PGPEP1L: variants seen among roughly 807,000 people sequenced by gnomAD.
PGPEP1L encodes the protein pyroglutamyl-peptidase I like, also known as pyroglutamyl-peptidase 1-like protein.
A neutral mutation model predicts 6.0 loss-of-function variants in PGPEP1L; 7 were observed. The observed-to-expected ratio is 1.17, with a 90% confidence interval of 0.66 to 2.19. The LOEUF is 2.19. Ranked by LOEUF, PGPEP1L falls within the 30% of genes most tolerant of loss-of-function variation. The pLI, the probability that PGPEP1L is intolerant of heterozygous loss-of-function variation, is 0.00. For missense variants in PGPEP1L, 209 were observed against 192.5 expected, an observed-to-expected ratio of 1.09 and a Z score of -0.51; for synonymous variants, 103 against 83.9, an observed-to-expected ratio of 1.23 and a Z score of -1.24.
At chr15:99,003,357 T>G (rs1418246092) in intron 2 of PGPEP1L, among the ~76,000 whole-genome samples, 1 of 151,436 alleles carries the variant, frequency 6.6e-6, no homozygotes, top group Admixed American at 6.6e-5. Context: ...ATTAGAAAAA[T>G]CAACTCTGCA....
intron 2 of PGPEP1L, among the ~76,000 whole-genome samples, chr15:98,981,683 A>G (rs2017665861): frequency 6.6e-6 from 1 of 152,214 alleles, no homozygotes; most frequent in Admixed American, 6.5e-5. Context: ...GACTTTATGT[A>G]AAGGTAATAT....
chr15:98,969,275 C>T, intron 4 of PGPEP1L, 150 bp downstream of exon 4: 1 of 927,090 alleles, frequency 1.1e-6, no homozygotes, highest in South Asian at 1.5e-5. Flanking sequence ...TGCTGGCCTG[C>T]ACACAGCAAA....
At chr15:99,000,709 G>A (rs78860836) in intron 2 of PGPEP1L, among the ~76,000 whole-genome samples, 1 of 151,900 alleles carries the variant, frequency 6.6e-6, no homozygotes, top group Non-Finnish European at 1.5e-5. Flanking sequence ...TCTAACTCAG[G>A]GATTATAAAC....
At chr15:98,978,726 A>ATATATATATATT (rs1446348988) in intron 2 of PGPEP1L, among the ~76,000 whole-genome samples, 1 of 85,254 alleles carries the variant, frequency 1.2e-5, no homozygotes, top group African/African-American at 5.1e-5. Context: ...ATATATATAT[A>ATATATATATATT]TTTTTTTTTT....
Position 98,969,671 on chromosome 15 carries a change from C to T in PGPEP1L, c.-18-20G>A. The T allele has an allele frequency of 1.2e-6, 2 of 1,604,642 alleles. No homozygotes were observed. Among genetic ancestry groups the T allele is most frequent in the Non-Finnish European group, 1.7e-6 (2 of 1,177,666 alleles). Reference sequence around the variant, plus strand: ...GACGAGCTGTGTGAACGGGTAACAGCAGAGAGAACCCAGGAAAACGAGGCC... The same window carrying T: ...GACGAGCTGTGTGAACGGGTAACAGTAGAGAGAACCCAGGAAAACGAGGCC... On this transcript the variant is annotated intron_variant, in intron 3 of 4. Coordinates refer to ENST00000535714, the MANE Select transcript of PGPEP1L (RefSeq NM_001167902.2).
At chr15:98,983,649 G>A (rs191313883) in intron 2 of PGPEP1L, among the ~76,000 whole-genome samples, 3 of 152,280 alleles carry the variant, frequency 2.0e-5, no homozygotes, top group Non-Finnish European at 4.4e-5. Flanking sequence ...CTACTGCACA[G>A]GTCACTATGT....
chr15:98,980,695 G>A (rs146179917), intron 2 of PGPEP1L, among the ~76,000 whole-genome samples: 280 of 152,294 alleles, frequency 1.8e-3, no homozygotes, highest in African/African-American at 6.5e-3. Flanking sequence ...ACTTTGGGAG[G>A]CCGAGGTGGA....
Position 98,968,571 on chromosome 15 carries a change from G to T in PGPEP1L, c.336C>A (p.Ile112=). The T allele has an allele frequency of 6.3e-7, 1 of 1,579,868 alleles. No homozygotes were observed. The highest frequency in any genetic ancestry group is 8.6e-7 in the Non-Finnish European group (1 of 1,160,958). The change falls in exon 5 of 5, where the codon ATC becomes ATA. Residue 112 remains isoleucine (I), a synonymous_variant. Transcript: ENST00000535714. ...ASLLGRALRV[I]IQEMLEEVGK... The stretch of plus-strand genomic sequence containing the variant: ...CCACCTCTTCCAGCATTTCCTGGAT[G>T]ATGACTCTCAAGGCTCTTCCCAGCA...
intron 2 of PGPEP1L, among the ~76,000 whole-genome samples, chr15:98,975,952 G>T (rs1305678632): frequency 6.6e-6 from 1 of 151,850 alleles, no homozygotes; most frequent in Non-Finnish European, 1.5e-5. Context: ...AAGATGTATG[G>T]TGAAATAAGC....
At chr15:98,978,290 C>A (rs181422258) in intron 2 of PGPEP1L, among the ~76,000 whole-genome samples, 59 of 152,266 alleles carry the variant, frequency 3.9e-4, no homozygotes, top group African/African-American at 1.4e-3. Context: ...AGTCGGGGCA[C>A]CCCTGAGAGG....
chr15:98,998,698 C>T (rs1043639573), intron 2 of PGPEP1L, among the ~76,000 whole-genome samples: 2 of 152,162 alleles, frequency 1.3e-5, no homozygotes, highest in African/African-American at 2.4e-5. Context: ...GCAGAAGTAG[C>T]CTGGCATGGT....
intron 2 of PGPEP1L, among the ~76,000 whole-genome samples, chr15:98,997,321 G>A (rs995947633): frequency 1.3e-5 from 2 of 152,202 alleles, no homozygotes; most frequent in Non-Finnish European, 2.9e-5. Context: ...TGACAGCCTA[G>A]AAAACCGATG....
chr15:98,983,980 T>A (rs1167965047), intron 2 of PGPEP1L, among the ~76,000 whole-genome samples: 1 of 151,996 alleles, frequency 6.6e-6, no homozygotes, highest in East Asian at 1.9e-4. Context: ...GAGTTCCCAT[T>A]TATAATGCCT....
At chr15:98,979,752 C>T (rs555380870) in intron 2 of PGPEP1L, among the ~76,000 whole-genome samples, 19 of 144,196 alleles carry the variant, frequency 1.3e-4, no homozygotes, top group Non-Finnish European at 2.1e-4. Context: ...CGGGTTCAAG[C>T]GATTCTTCTG....
intron 2 of PGPEP1L, among the ~76,000 whole-genome samples, chr15:98,986,839 T>C (rs1380049811): frequency 1.3e-5 from 2 of 152,054 alleles, no homozygotes; most frequent in African/African-American, 2.4e-5. Flanking sequence ...ATCTTTGTGC[T>C]CCACATCAGG....
intron 2 of PGPEP1L, among the ~76,000 whole-genome samples, chr15:98,977,815 CTA>C (rs1298909090): frequency 6.6e-6 from 1 of 152,202 alleles, no homozygotes; most frequent in African/African-American, 2.4e-5. Flanking sequence ...CCTTAAAGTT[CTA>C]TTAGTTTTTG....
At chr15:98,970,925 T>C in intron 3 of PGPEP1L, 111 bp downstream of exon 3, 2 of 1,487,794 alleles carry the variant, frequency 1.3e-6, no homozygotes, top group Non-Finnish European at 1.8e-6. Flanking sequence ...TGGTGGGGCC[T>C]GGGGACGGGG....
chr15:98,974,124 T>C (rs778151941), intron 2 of PGPEP1L, among the ~76,000 whole-genome samples: 1 of 152,228 alleles, frequency 6.6e-6, no homozygotes, highest in Non-Finnish European at 1.5e-5. Context: ...CTCATGGCTG[T>C]AATCCCACCA....
In PGPEP1L at chr15:98,969,729, C is replaced by G; in HGVS notation, c.-18-78G>C. 5 of 1,468,958 alleles carry G rather than the reference C, an allele frequency of 3.4e-6. No individual in the cohort carries two copies. In the Admixed American group the frequency reaches 8.4e-5, roughly 25 times the overall value. 91.0% of individuals were successfully genotyped at this position (1,468,958 alleles called of 1,614,324 possible). ...CTCACCAAATGTGCAGAAGGGGCCACTCCTTTTGAGAGCCCGGCTCTGTGC... is the reference window on the plus strand; with the variant it reads ...CTCACCAAATGTGCAGAAGGGGCCAGTCCTTTTGAGAGCCCGGCTCTGTGC... On this transcript the variant is annotated intron_variant, in intron 3 of 4. Coordinates refer to ENST00000535714, the MANE Select transcript of PGPEP1L (RefSeq NM_001167902.2).
Sources: allele counts gnomAD v4.1 joint callset (sites outside exome capture counted in the v4.1 genomes callset), GRCh38; gene constraint gnomAD v4.1.1; transcripts MANE v1.5; gene names NCBI Gene and HGNC (gene_info 2026-07-23, HGNC 2026-07-21).